Variants in CCDC92B observed in about 807,000 individuals in gnomAD.
The protein encoded by CCDC92B is coiled-coil domain-containing 92B.
CCDC92B carries 2 observed loss-of-function variants against 5.6 expected under a neutral mutation model. That is an observed-to-expected ratio of 0.36 (90% CI 0.15 to 1.12). CCDC92B has a LOEUF of 1.12. CCDC92B is among the 50% of genes most tolerant of loss of function. The probability of loss-of-function intolerance (pLI) is 0.40; values close to 1 mark genes in which losing one functional copy is unlikely to be tolerated. For missense variants in CCDC92B, 271 were observed against 262.2 expected (o/e 1.03, Z -0.23); for synonymous variants, 115 against 122.3 (o/e 0.94, Z 0.39).
At chr17:2,741,135 G>GAGCACCTCCAACAGGGAAC (rs902885094) in intron 1 of CCDC92B, among the ~76,000 whole-genome samples, 6 of 152,008 alleles carry the variant, frequency 3.9e-5, no homozygotes, top group African/African-American at 1.5e-4. Context: ...ATGAAGGGAA[G>GAGCACCTCCAACAGGGAAC]AGCACCTCCA....
intron 2 of CCDC92B, among the ~76,000 whole-genome samples, chr17:2,731,295 C>G (rs1395698677): frequency 6.6e-6 from 1 of 152,128 alleles, no homozygotes; most frequent in African/African-American, 2.4e-5. Context: ...CCCCCAAGCC[C>G]CATTTCTCAG....
chr17:2,727,826 A>G (rs1390654946), intron 3 of CCDC92B, among the ~76,000 whole-genome samples: 2 of 151,230 alleles, frequency 1.3e-5, no homozygotes, highest in East Asian at 3.9e-4. Flanking sequence ...TCCGTCTCAA[A>G]AAAAAAAAAA....
chr17:2,729,420 G>T (rs565515185), intron 3 of CCDC92B, among the ~76,000 whole-genome samples: 1 of 150,794 alleles, frequency 6.6e-6, no homozygotes, highest in South Asian at 2.1e-4. Flanking sequence ...CTTGAACACG[G>T]GAGGTGGAGG....
chr17:2,741,964 C>T (rs1183111413), intron 1 of CCDC92B, among the ~76,000 whole-genome samples: 5 of 139,460 alleles, frequency 3.6e-5, no homozygotes, highest in Non-Finnish European at 6.1e-5. Context: ...CCAGCTTGGG[C>T]GACAGAGCAA....
chr17:2,728,662 G>A (rs1042271601), intron 3 of CCDC92B, among the ~76,000 whole-genome samples: 2 of 152,160 alleles, frequency 1.3e-5, no homozygotes, highest in Admixed American at 6.5e-5. Flanking sequence ...AGTGGCTTGG[G>A]CCCAGGTGAT....
Position 2,724,350 on chromosome 17 carries a change from C to T in CCDC92B, c.*61G>A. The T allele has an allele frequency of 1.0e-6, 1 of 985,190 alleles. No individual in the cohort carries two copies. The highest frequency in any genetic ancestry group is 1.2e-6 in the Non-Finnish European group (1 of 829,872). 61.0% of individuals were successfully genotyped at this position (985,190 alleles called of 1,614,324 possible). On this transcript the variant is annotated 3_prime_UTR_variant, in exon 4 of 4. Transcript: ENST00000614400. The surrounding 1 kb of genome is among the most constrained non-coding windows in gnomAD (Gnocchi z 5.0). ...CGACCCGGGACCTGCCTGCGGGGAC[C>T]GAGCTGCGTCCCTGGCCGGCCCTCC...
chr17:2,723,193 T>A lies in CCDC92B; in HGVS notation c.*1218A>T, dbSNP rs1321892894. ...CTTCCAAGAAGCCAGGCCCTTCTTC[T>A]TTTTTTCGTTTTTGAGACGGAGTTT... On this transcript the variant is annotated 3_prime_UTR_variant, in exon 4 of 4. Transcript: ENST00000614400. 6.5e-6 allele frequency: 1 copy of A among 152,930 alleles called. No individual in the cohort carries two copies. Among genetic ancestry groups the A allele is most frequent in the African/African-American group, 2.4e-5 (1 of 41,446 alleles). The allele number at this position is 152,930 out of a possible 1,614,324, so 9.5% of individuals were successfully genotyped here.
chr17:2,744,204 A>G (rs527964466), intron 1 of CCDC92B, among the ~76,000 whole-genome samples: 13 of 118,944 alleles, frequency 1.1e-4, no homozygotes, highest in Non-Finnish European at 2.0e-4. Context: ...TTCATTTTTT[A>G]TTTTGTAGAG....
chr17:2,738,940 A>G (rs971097950), intron 1 of CCDC92B, among the ~76,000 whole-genome samples: 6 of 150,312 alleles, frequency 4.0e-5, no homozygotes, highest in Admixed American at 2.7e-4. Context: ...GCATGGTGGC[A>G]TGCACCTGAA....
chr17:2,741,505 T>C (rs1210217347), intron 1 of CCDC92B, among the ~76,000 whole-genome samples: 1 of 42,034 alleles, frequency 2.4e-5, no homozygotes, highest in Non-Finnish European at 4.4e-5. Flanking sequence ...GGCAAAATCC[T>C]GTGTCTCTAC....
intron 1 of CCDC92B, among the ~76,000 whole-genome samples, chr17:2,747,273 A>G (rs1318454103): frequency 6.6e-6 from 1 of 152,134 alleles, no homozygotes; most frequent in Non-Finnish European, 1.5e-5. Context: ...AAGTCAACAG[A>G]TATCTTTGTG....
chr17:2,742,391 G>C (rs530096023), intron 1 of CCDC92B, among the ~76,000 whole-genome samples: 1 of 152,278 alleles, frequency 6.6e-6, no homozygotes, highest in East Asian at 1.9e-4. Flanking sequence ...AGTGGTCAAG[G>C]TGCCAGGTGA....
At chr17:2,734,807 G>A (rs1281360268) in intron 2 of CCDC92B, among the ~76,000 whole-genome samples, 2 of 152,144 alleles carry the variant, frequency 1.3e-5, no homozygotes, top group Non-Finnish European at 2.9e-5. Flanking sequence ...GCTCTTTGCT[G>A]TGAAACTTTC....
At chr17:2,748,026 TACAGTGCCTGGCAACTAGA>T (rs1567620667) in intron 1 of CCDC92B, 1 of 469,358 alleles carries the variant, frequency 2.1e-6, no homozygotes, top group Non-Finnish European at 4.3e-6. Flanking sequence ...TATCTGCAAC[TACAGTGCCTGGCAACTAGA>T]AGCACCCCAC....
chr17:2,726,669 A>C (rs1031565708), intron 3 of CCDC92B, among the ~76,000 whole-genome samples: 5 of 151,746 alleles, frequency 3.3e-5, no homozygotes, highest in African/African-American at 1.2e-4. Context: ...GCTGGAGTGC[A>C]GTGGCATGAT....
chr17:2,738,425 G>C (rs1482480877), intron 1 of CCDC92B, among the ~76,000 whole-genome samples: 2 of 151,992 alleles, frequency 1.3e-5, no homozygotes, highest in Non-Finnish European at 2.9e-5. Context: ...CTGTAAGATG[G>C]GGCTGCAAAT....
At chr17:2,734,158 T>A (rs527423027) in intron 2 of CCDC92B, among the ~76,000 whole-genome samples, 13 of 152,270 alleles carry the variant, frequency 8.5e-5, no homozygotes, top group African/African-American at 3.1e-4. Flanking sequence ...ACCTTTGCCG[T>A]GCTGTTCCCT....
intron 1 of CCDC92B, among the ~76,000 whole-genome samples, chr17:2,742,880 C>T (rs568117891): frequency 1.3e-5 from 2 of 152,208 alleles, no homozygotes; most frequent in Non-Finnish European, 2.9e-5. Flanking sequence ...CATTCTGTTG[C>T]TCAGGCCAAA....
intron 2 of CCDC92B, 122 bp downstream of exon 2, chr17:2,734,894 G>T: frequency 1.4e-6 from 1 of 708,596 alleles, no homozygotes; most frequent in Non-Finnish European, 1.7e-6. Flanking sequence ...CAGAAAAAGA[G>T]GCAGCAGAAT....
Sources: gnomAD v4.1 joint callset for allele counts (sites outside exome capture counted in the v4.1 genomes callset) on GRCh38, gnomAD v4.1.1 for gene constraint, Gnocchi (gnomAD v3.1) non-coding constraint, MANE v1.5 for transcripts, NCBI Gene and HGNC (gene_info 2026-07-23, HGNC 2026-07-21) for gene names.